Variants in MAP1B observed in about 807,000 individuals in gnomAD.
MAP1B encodes microtubule associated protein 1B.
A neutral mutation model predicts 176.1 loss-of-function variants in MAP1B; 12 were observed. The ratio of observed to expected loss-of-function variants is 0.07; its 90% CI spans 0.04 to 0.11. MAP1B has a LOEUF of 0.11. Ranked by LOEUF, MAP1B falls within the 10% of genes least tolerant of loss-of-function variation. The pLI, the probability that MAP1B is intolerant of heterozygous loss-of-function variation, is 1.00. For synonymous variants in MAP1B, 1,044 were observed against 1,135.0 expected, an observed-to-expected ratio of 0.92 and a Z score of 1.61; for missense variants, 2,523 against 2,990.5, an observed-to-expected ratio of 0.84 and a Z score of 3.65.
chr5:72,197,456 T>C lies in MAP1B; in HGVS notation c.4101T>C (p.Asp1367=), dbSNP rs753614568. 1 of 1,614,196 alleles carries C rather than the reference T, an allele frequency of 6.2e-7. No individual in the cohort carries two copies. Among genetic ancestry groups the C allele is most frequent in the Admixed American group, 1.7e-5 (1 of 60,032 alleles). The change falls in exon 5 of 7, where the codon GAT becomes GAC. Residue 1367 remains aspartate (D), a synonymous_variant. Coordinates refer to ENST00000296755, the MANE Select transcript of MAP1B (RefSeq NM_005909.5). The stretch of plus-strand genomic sequence containing the variant: ...TTCCAGTGAGTTTTGAATTCAGTGA[T>C]GCCAAAGATGAGAATGAAAGGGCTT... The part of the protein sequence containing the change: ...PAVPVSFEFS[D]AKDENERASV...
intron 2 of MAP1B, among the ~76,000 whole-genome samples, chr5:72,131,796 G>A (rs1484925561): frequency 6.6e-6 from 1 of 152,196 alleles, no homozygotes; most frequent in African/African-American, 2.4e-5. Flanking sequence ...TGTCTTCTCT[G>A]TACTTGCTTA....
intron 1 of MAP1B, among the ~76,000 whole-genome samples, chr5:72,108,072 C>A (rs1745153662): frequency 6.6e-6 from 1 of 152,178 alleles, no homozygotes; most frequent in Non-Finnish European, 1.5e-5. Flanking sequence ...AGACCTGATG[C>A]AACCACTCCT....
chr5:72,194,770 T>C lies in MAP1B; in HGVS notation c.1415T>C (p.Leu472Ser). The C allele has an allele frequency of 6.2e-7, 1 of 1,614,218 alleles. No individual in the cohort carries two copies. Among genetic ancestry groups the C allele is most frequent in the Non-Finnish European group, 8.5e-7 (1 of 1,180,040 alleles). The change falls in exon 5 of 7, where the codon TTG (leucine) becomes TCG (serine). Residue 472 changes from leucine (L) to serine (S), a missense_variant. Around this residue, in one of 4 missense-constraint regions of MAP1B, gnomAD observed 1,925 missense variants for 2,126.0 expected, o/e 0.91. Coordinates refer to ENST00000296755, the MANE Select transcript of MAP1B (RefSeq NM_005909.5). This position sits in a 1 kb window ranked among gnomAD's most constrained non-coding sequence, Gnocchi z 7.2. ...TCCTACTTAACTTCAGTCTCATCTTTGATTGTGTGGCATCCAGCAAACCCT... is the reference window on the plus strand; with the variant it reads ...TCCTACTTAACTTCAGTCTCATCTTCGATTGTGTGGCATCCAGCAAACCCT... Reference protein sequence around the residue: ...PISYLTSVSSLIVWHPANPAE... With the variant: ...PISYLTSVSSSIVWHPANPAE...
At chr5:72,128,493 G>A (rs1005692431) in intron 2 of MAP1B, among the ~76,000 whole-genome samples, 1 of 151,758 alleles carries the variant, frequency 6.6e-6, no homozygotes, top group Non-Finnish European at 1.5e-5. Flanking sequence ...TAGGTTATTC[G>A]AAGAAAATAC....
chr5:72,124,302 G>T (rs765275236), intron 2 of MAP1B, among the ~76,000 whole-genome samples: 3 of 152,140 alleles, frequency 2.0e-5, no homozygotes, highest in Admixed American at 1.3e-4. Context: ...CTGGGGAAGC[G>T]CACTTAGTGC....
At chr5:72,201,707 T>TA (rs1747337176) in intron 5 of MAP1B, among the ~76,000 whole-genome samples, 1 of 152,256 alleles carries the variant, frequency 6.6e-6, no homozygotes, top group African/African-American at 2.4e-5. Flanking sequence ...GAAAATCTGA[T>TA]AGAGTAATCT....
intron 4 of MAP1B, 101 bp from the exon 5 acceptor site, chr5:72,193,765 A>G (rs1580018706): frequency 7.7e-7 from 1 of 1,302,216 alleles, no homozygotes; most frequent in South Asian, 1.5e-5. Flanking sequence ...TCCTATGTGC[A>G]TCCTGTGATC....
At chr5:72,116,609 T>G (rs1294825761) in intron 2 of MAP1B, among the ~76,000 whole-genome samples, 1 of 152,106 alleles carries the variant, frequency 6.6e-6, no homozygotes, top group Admixed American at 6.5e-5. Context: ...TTCCTCCCAT[T>G]TGGTCACATT....
intron 2 of MAP1B, chr5:72,116,419 C>G (rs574639704): frequency 4.8e-6 from 2 of 415,274 alleles, no homozygotes; most frequent in Admixed American, 6.7e-5. Flanking sequence ...GCCTTTTTTT[C>G]AGAGATGAAA....
intron 2 of MAP1B, among the ~76,000 whole-genome samples, chr5:72,142,829 G>T (rs116293273): frequency 6.6e-6 from 1 of 152,014 alleles, no homozygotes; most frequent in South Asian, 2.1e-4. Context: ...AGGCCGTAGT[G>T]CGTAAACATT....
chr5:72,194,426 A>C lies in MAP1B; in HGVS notation c.1071A>C (p.Val357=), dbSNP rs1233118452. 2.5e-6 allele frequency: 4 copies of C among 1,614,152 alleles called. No individual in the cohort carries two copies. The highest frequency in any genetic ancestry group is 3.4e-6 in the Non-Finnish European group (4 of 1,180,036). The change falls in exon 5 of 7, where the codon GTA becomes GTC. Residue 357 remains valine (V), a synonymous_variant. Transcript: ENST00000296755. This position sits in a 1 kb window ranked among gnomAD's most constrained non-coding sequence, Gnocchi z 7.2. ...KNLISPDLGV[V]FLNVPENLKN... ...TCATCTCCCCTGACTTAGGAGTTGT[A>C]TTTCTCAATGTACCTGAAAATCTCA... is the stretch of plus-strand genomic sequence containing the variant.
At chr5:72,155,603 A>G (rs541468181) in intron 2 of MAP1B, among the ~76,000 whole-genome samples, 1 of 152,172 alleles carries the variant, frequency 6.6e-6, no homozygotes, top group Non-Finnish European at 1.5e-5. Flanking sequence ...TCCCAGCATC[A>G]GTGGAGTCAG....
chr5:72,170,922 G>A (rs1746524103), intron 2 of MAP1B, among the ~76,000 whole-genome samples: 1 of 152,114 alleles, frequency 6.6e-6, no homozygotes, highest in South Asian at 2.1e-4. Flanking sequence ...ACTCCAGCCT[G>A]GGCAACAAGA....
At chr5:72,112,325 T>C (rs944776196) in intron 1 of MAP1B, among the ~76,000 whole-genome samples, 23 of 152,336 alleles carry the variant, frequency 1.5e-4, no homozygotes, top group African/African-American at 5.3e-4. Context: ...TTTAGAAATA[T>C]GAATTTTAGC....
intron 2 of MAP1B, among the ~76,000 whole-genome samples, chr5:72,172,744 C>G (rs556278249): frequency 6.6e-6 from 1 of 152,266 alleles, no homozygotes; most frequent in Admixed American, 6.5e-5. Context: ...GATAGGAATA[C>G]ATAAAAATCA....
Position 72,197,467 on chromosome 5 carries a change from A to G in MAP1B, c.4112A>G (p.Glu1371Gly). Reference protein sequence around the residue: ...VSFEFSDAKDENERASVSPMD... With the variant: ...VSFEFSDAKDGNERASVSPMD... ...TTTGAATTCAGTGATGCCAAAGATG[A>G]GAATGAAAGGGCTTCAGTAAGCCCC... Residue 1371 changes from glutamate to glycine, a missense_variant, in exon 5 of 7, where the codon GAG becomes GGG. Coordinates refer to ENST00000296755, the MANE Select transcript of MAP1B (RefSeq NM_005909.5). The G allele has an allele frequency of 2.5e-6, 4 of 1,614,218 alleles. No individual in the cohort carries two copies. The highest frequency in any genetic ancestry group is 3.4e-6 in the Non-Finnish European group (4 of 1,180,038).
At position 72,107,686 on chromosome 5, in the gene MAP1B, T is replaced by A. The variant is rs1745115519; in HGVS notation, c.155T>A (p.Leu52Gln). The change falls in exon 1 of 7, where the codon CTG becomes CAG. Residue 52 changes from leucine to glutamine, a missense_variant. This residue lies in a region of MAP1B where 307 missense variants were observed against 438.4 expected (regional missense o/e 0.70). Coordinates refer to ENST00000296755, the MANE Select transcript of MAP1B (RefSeq NM_005909.5). ...GGCGAGATCGTGACCGAGGAGCACC[T>A]GCGGCGTGCCATCGGCAACATCGAG... ...VVGEIVTEEH[L>Q]RRAIGNIELG... 6.3e-7 allele frequency: 1 copy of A among 1,599,816 alleles called. No homozygotes were observed. Among genetic ancestry groups the A allele is most frequent in the Non-Finnish European group, 8.5e-7 (1 of 1,179,582 alleles).
chr5:72,139,617 C>G (rs1314209646), intron 2 of MAP1B, among the ~76,000 whole-genome samples: 2 of 152,000 alleles, frequency 1.3e-5, no homozygotes, highest in Admixed American at 6.6e-5. Context: ...AATAAGTTGC[C>G]GTGACATAAG....
At chr5:72,125,280 G>C (rs1745607201) in intron 2 of MAP1B, among the ~76,000 whole-genome samples, 1 of 152,166 alleles carries the variant, frequency 6.6e-6, no homozygotes, top group African/African-American at 2.4e-5. Context: ...AGATGCTCAA[G>C]TGCCTTGTAG....
Sources: gnomAD v4.1 joint callset for allele counts (sites outside exome capture counted in the v4.1 genomes callset) on GRCh38, gnomAD v4.1.1 for gene constraint, gnomAD v4.1.1 regional missense constraint, Gnocchi (gnomAD v3.1) non-coding constraint, MANE v1.5 for transcripts, NCBI Gene and HGNC (gene_info 2026-07-23, HGNC 2026-07-21) for gene names.